KCNN2: variants seen among roughly 807,000 people sequenced by gnomAD.
KCNN2 encodes the protein small conductance calcium-activated potassium channel protein 2.
Under a neutral mutation model 55.5 loss-of-function variants are expected in KCNN2, and 24 were observed. The observed-to-expected ratio is 0.43, with a 90% CI of 0.31 to 0.61. KCNN2 has a LOEUF of 0.61. KCNN2 is among the 20% of genes least tolerant of loss of function. The pLI is 0.08. For missense variants in KCNN2, 754 were observed against 853.6 expected, an observed-to-expected ratio of 0.88 and a Z score of 1.45; for synonymous variants, 431 against 336.1, an observed-to-expected ratio of 1.28 and a Z score of -3.09.
chr5:114,406,351 T>C (rs1758933760), intron 3 of KCNN2, among the ~76,000 whole-genome samples: 3 of 151,674 alleles, frequency 2.0e-5, no homozygotes, highest in African/African-American at 7.3e-5. Context: ...TTTTTCCCCG[T>C]ATATAAACAT....
At chr5:114,232,635 CTT>C (rs150185829) in intron 2 of KCNN2, among the ~76,000 whole-genome samples, 1 of 150,880 alleles carries the variant, frequency 6.6e-6, no homozygotes, top group African/African-American at 2.5e-5. Flanking sequence ...TTGATGATCT[CTT>C]TTTTTAAACT....
chr5:114,116,512 A>C (rs1473007421), intron 1 of KCNN2, among the ~76,000 whole-genome samples: 1 of 152,064 alleles, frequency 6.6e-6, no homozygotes, highest in African/African-American at 2.4e-5. Context: ...TATATGTAGA[A>C]AGGATTCTTT....
intron 1 of KCNN2, among the ~76,000 whole-genome samples, chr5:114,153,359 C>T (rs1490583613): frequency 6.6e-6 from 1 of 152,158 alleles, no homozygotes; most frequent in African/African-American, 2.4e-5. Flanking sequence ...TATTTTCCTG[C>T]CCTCTGACTT....
At chr5:114,181,495 A>C (rs2112553681) in intron 1 of KCNN2, among the ~76,000 whole-genome samples, 1 of 152,296 alleles carries the variant, frequency 6.6e-6, no homozygotes, top group South Asian at 2.1e-4. Context: ...TCTGGACAGC[A>C]GATATTTGCC....
chr5:114,486,535 G>T (rs1440650344), intron 5 of KCNN2: 7 of 288,330 alleles, frequency 2.4e-5, no homozygotes, highest in Admixed American at 4.8e-5. Context: ...ATACTAACAA[G>T]CATACAAATT....
At chr5:114,249,847 G>A (rs1489697138) in intron 2 of KCNN2, among the ~76,000 whole-genome samples, 1 of 151,686 alleles carries the variant, frequency 6.6e-6, no homozygotes, top group Non-Finnish European at 1.5e-5. Flanking sequence ...TGAATATGAA[G>A]AGAAGAAGAC....
intron 2 of KCNN2, among the ~76,000 whole-genome samples, chr5:114,285,753 G>C (rs557933285): frequency 6.6e-6 from 1 of 152,130 alleles, no homozygotes; most frequent in Non-Finnish European, 1.5e-5. Flanking sequence ...CTGTAGAGTT[G>C]AAGATGGAAA....
chr5:114,428,048 T>C (rs926092640), intron 3 of KCNN2, among the ~76,000 whole-genome samples: 2 of 152,246 alleles, frequency 1.3e-5, no homozygotes, highest in African/African-American at 4.8e-5. Context: ...CTGTTCTGTC[T>C]GAAGTTAAGA....
intron 2 of KCNN2, among the ~76,000 whole-genome samples, chr5:114,226,087 A>C (rs1167452509): frequency 6.6e-6 from 1 of 151,404 alleles, no homozygotes; most frequent in Non-Finnish European, 1.5e-5. Flanking sequence ...AGAGTGGGAA[A>C]TACCAGGTCG....
At chr5:114,185,566 TG>T (rs2112557476) in intron 1 of KCNN2, among the ~76,000 whole-genome samples, 1 of 152,318 alleles carries the variant, frequency 6.6e-6, no homozygotes, top group African/African-American at 2.4e-5. Flanking sequence ...GGAGGATCCC[TG>T]TTTTCCCTAT....
chr5:114,391,362 G>A (rs1189621738), intron 2 of KCNN2, among the ~76,000 whole-genome samples: 1 of 152,108 alleles, frequency 6.6e-6, no homozygotes, highest in African/African-American at 2.4e-5. Flanking sequence ...TACTAATCAT[G>A]TAAGGTTGAT....
intron 2 of KCNN2, among the ~76,000 whole-genome samples, chr5:114,279,039 G>T (rs929521141): frequency 6.6e-6 from 1 of 151,558 alleles, no homozygotes; most frequent in Non-Finnish European, 1.5e-5. Context: ...TTGTTTTATT[G>T]CATTGGCCCA....
intron 2 of KCNN2, among the ~76,000 whole-genome samples, chr5:114,293,025 T>A (rs1755929183): frequency 6.6e-6 from 1 of 152,212 alleles, no homozygotes; most frequent in South Asian, 2.1e-4. Flanking sequence ...TGCTTGTAAT[T>A]TTTGCACATT....
At chr5:114,230,270 TTTTTTTTTCTTTCTTTC>T (rs1490633687) in intron 2 of KCNN2, among the ~76,000 whole-genome samples, 2 of 123,598 alleles carry the variant, frequency 1.6e-5, no homozygotes, top group East Asian at 7.4e-4. Flanking sequence ...TGATATTCTT[TTTTTTTTTCTTTCTTTC>T]TTTTTTTTAT....
At chr5:114,128,982 G>C (rs1426289772) in intron 1 of KCNN2, among the ~76,000 whole-genome samples, 2 of 152,174 alleles carry the variant, frequency 1.3e-5, no homozygotes, top group Admixed American at 1.3e-4. Flanking sequence ...CTTGAAAACA[G>C]ATAGTACATT....
chr5:114,167,174 C>A (rs894275059), intron 1 of KCNN2, among the ~76,000 whole-genome samples: 1 of 152,110 alleles, frequency 6.6e-6, no homozygotes, highest in Admixed American at 6.6e-5. Context: ...AGGCCCTAAC[C>A]TACTACCAGC....
intron 7 of KCNN2, among the ~76,000 whole-genome samples, chr5:114,494,286 TG>T (rs1212620230): frequency 2.0e-5 from 3 of 151,232 alleles, no homozygotes; most frequent in Non-Finnish European, 4.4e-5. Flanking sequence ...AAATCAGACA[TG>T]ACTTTGCTAA....
intron 2 of KCNN2, among the ~76,000 whole-genome samples, chr5:114,225,594 A>C (rs1376233737): frequency 6.6e-6 from 1 of 152,172 alleles, no homozygotes; most frequent in Non-Finnish European, 1.5e-5. Flanking sequence ...GTGCTCAATA[A>C]ATATTTATCA....
chr5:114,486,820 C>T (rs1747573994), intron 5 of KCNN2: 1 of 1,301,308 alleles, frequency 7.7e-7, no homozygotes, highest in Non-Finnish European at 1.0e-6. Flanking sequence ...TAGAATTTAC[C>T]ACAGAAAGAA....
Sources: allele counts gnomAD v4.1 joint callset (sites outside exome capture counted in the v4.1 genomes callset), GRCh38; gene constraint gnomAD v4.1.1; transcripts MANE v1.5; gene names NCBI Gene and HGNC (gene_info 2026-07-23, HGNC 2026-07-21).